FIG4: variants seen among roughly 807,000 people sequenced by gnomAD.
The protein encoded by FIG4 is polyphosphoinositide phosphatase.
In FIG4, 112 loss-of-function variants were observed where a neutral mutation model predicts 118.6. That is an observed-to-expected ratio of 0.94 (90% CI 0.81 to 1.11). The LOEUF (loss-of-function observed/expected upper bound fraction) is 1.11, where lower values mean the gene tolerates loss of function less well. Among genes scored for constraint, FIG4 ranks in the 50% least tolerant of loss-of-function variants. The pLI is 0.00. For synonymous variants in FIG4, 369 were observed against 381.2 expected, an observed-to-expected ratio of 0.97 and a Z score of 0.37; for missense variants, 969 against 1,111.7, an observed-to-expected ratio of 0.87 and a Z score of 1.83.
intron 16 of FIG4, among the ~76,000 whole-genome samples, chr6:109,782,444 A>G (rs907168303): frequency 2.0e-5 from 3 of 152,204 alleles, no homozygotes; most frequent in Admixed American, 6.5e-5. Context: ...GGGAAATACA[A>G]TTTAGTAATA....
intron 7 of FIG4, among the ~76,000 whole-genome samples, chr6:109,741,111 A>G (rs956661783): frequency 1.9e-4 from 29 of 152,232 alleles, no homozygotes; most frequent in African/African-American, 6.7e-4. Flanking sequence ...GGGGACACAG[A>G]GCGAAACCAT....
At chr6:109,700,033 G>A (rs545282682) in intron 1 of FIG4, among the ~76,000 whole-genome samples, 32 of 152,250 alleles carry the variant, frequency 2.1e-4, no homozygotes, top group African/African-American at 7.7e-4. Flanking sequence ...CCATTCATGA[G>A]GGCTCTGCTC....
intron 17 of FIG4, 101 bp from the exon 18 acceptor site, chr6:109,786,201 A>C: frequency 9.6e-7 from 1 of 1,039,866 alleles, no homozygotes; most frequent in Non-Finnish European, 1.5e-6. Flanking sequence ...TATCCCCCAC[A>C]GAGCTTATCA....
At chr6:109,765,687 A>C (rs1258180075) in intron 14 of FIG4, among the ~76,000 whole-genome samples, 1 of 152,226 alleles carries the variant, frequency 6.6e-6, no homozygotes, top group Non-Finnish European at 1.5e-5. Flanking sequence ...CATTTTAAAA[A>C]AGAGTACTGT....
intron 10 of FIG4, among the ~76,000 whole-genome samples, chr6:109,752,729 C>G (rs942995417): frequency 2.0e-5 from 3 of 152,102 alleles, no homozygotes; most frequent in African/African-American, 2.4e-5. Context: ...ATTGTAGATT[C>G]TAGATATTAG....
chr6:109,766,164 C>A (rs1337320843), intron 14 of FIG4, among the ~76,000 whole-genome samples: 1 of 152,146 alleles, frequency 6.6e-6, no homozygotes, highest in Non-Finnish European at 1.5e-5. Context: ...AGCTAGCTAG[C>A]CCCTTCCATC....
intron 1 of FIG4, among the ~76,000 whole-genome samples, chr6:109,705,529 C>G (rs1160199586): frequency 6.6e-6 from 1 of 152,222 alleles, no homozygotes; most frequent in Non-Finnish European, 1.5e-5. Context: ...TCCCTCCACT[C>G]TGATCTATTT....
At chr6:109,796,614 C>A in intron 21 of FIG4, 151 bp from the exon 22 acceptor site, 1 of 669,400 alleles carries the variant, frequency 1.5e-6, no homozygotes, top group Non-Finnish European at 2.7e-6. Flanking sequence ...TAAAATCAGG[C>A]AAAGTCTTAT....
chr6:109,730,827 G>A (rs17540056), intron 4 of FIG4, among the ~76,000 whole-genome samples: 43,701 of 152,020 alleles, frequency 0.29, 6,766 homozygotes, highest in Non-Finnish European at 0.35. Context: ...TCCTGGTATG[G>A]AAAAGGATTT....
chr6:109,785,004 C>A lies in FIG4; in HGVS notation c.1924C>A (p.His642Asn). ...TYWWTPEVIK[H>N]LPLPYDEVIC... ...CTGGTGGACACCAGAGGTGATAAAGCATTTACCATTGCCCTATGATGAAGG... is the reference window on the plus strand; with the variant it reads ...CTGGTGGACACCAGAGGTGATAAAGAATTTACCATTGCCCTATGATGAAGG... Residue 642 changes from histidine (H) to asparagine (N), a missense_variant, in exon 17 of 23, where the codon CAT (histidine) becomes AAT (asparagine). Coordinates refer to ENST00000230124, the MANE Select transcript of FIG4 (RefSeq NM_014845.6). The A allele has an allele frequency of 2.5e-6, 4 of 1,571,454 alleles. No individual in the cohort carries two copies. The highest frequency in any genetic ancestry group is 3.5e-6 in the Non-Finnish European group (4 of 1,141,326).
At position 109,807,425 on chromosome 6, in the gene FIG4, G is replaced by A. The variant is rs191479742; in HGVS notation, c.2546+10574G>A. Among the ~76,000 whole-genome samples, 57 of 152,268 alleles carry A rather than the reference G, an allele frequency of 3.7e-4. No individual in the cohort carries two copies. In the East Asian group the frequency reaches 5.6e-3, roughly 15 times the overall value. On this transcript the variant is annotated intron_variant, in intron 22 of 22. Transcript: ENST00000230124. ...AAATGTGTTCTTTTGAGAAGTGTCT[G>A]TTCATATCCTTCTCCCACTTTTTGA...
chr6:109,761,262 C>G (rs1583696564), intron 11 of FIG4, among the ~76,000 whole-genome samples: 1 of 152,160 alleles, frequency 6.6e-6, no homozygotes, highest in Non-Finnish European at 1.5e-5. Context: ...ACGATCTCAG[C>G]TTATTGCAGA....
chr6:109,722,634 A>T (rs1375121622), intron 3 of FIG4, among the ~76,000 whole-genome samples: 3 of 151,978 alleles, frequency 2.0e-5, no homozygotes. Context: ...ATATTTTAGT[A>T]CTTTATGGCA....
chr6:109,742,401 CT>C (rs1480676148), intron 8 of FIG4, among the ~76,000 whole-genome samples: 7 of 152,086 alleles, frequency 4.6e-5, no homozygotes, highest in Non-Finnish European at 1.0e-4. Context: ...AGTGCTCCGT[CT>C]CTGTTTGCAA....
At chr6:109,701,026 G>C (rs1033596970) in intron 1 of FIG4, among the ~76,000 whole-genome samples, 2 of 152,132 alleles carry the variant, frequency 1.3e-5, no homozygotes, top group African/African-American at 4.8e-5. Flanking sequence ...GGACAAGATG[G>C]GCTGTCTCTT....
chr6:109,823,046 T>C (rs1779057465), intron 22 of FIG4, among the ~76,000 whole-genome samples: 1 of 152,024 alleles, frequency 6.6e-6, no homozygotes, highest in Non-Finnish European at 1.5e-5. Flanking sequence ...ATACATTTCT[T>C]TAATATCTAT....
intron 11 of FIG4, among the ~76,000 whole-genome samples, chr6:109,761,878 C>G (rs896324905): frequency 1.3e-5 from 2 of 152,166 alleles, no homozygotes; most frequent in Non-Finnish European, 2.9e-5. Context: ...AGTTGCAGGT[C>G]TTTTGTGTCT....
At chr6:109,747,180 C>G (rs944717109) in intron 10 of FIG4, among the ~76,000 whole-genome samples, 1 of 152,036 alleles carries the variant, frequency 6.6e-6, no homozygotes, top group Non-Finnish European at 1.5e-5. Flanking sequence ...TTCTGGAGCT[C>G]AGAGGAGAGG....
intron 3 of FIG4, among the ~76,000 whole-genome samples, chr6:109,724,385 T>C (rs1775721179): frequency 6.6e-6 from 1 of 152,246 alleles, no homozygotes; most frequent in Non-Finnish European, 1.5e-5. Context: ...TTCAGCTGTG[T>C]ACCTTGCCTG....
Sources: gnomAD v4.1 joint callset for allele counts (sites outside exome capture counted in the v4.1 genomes callset) on GRCh38, gnomAD v4.1.1 for gene constraint, MANE v1.5 for transcripts, NCBI Gene and HGNC (gene_info 2026-07-23, HGNC 2026-07-21) for gene names.